EXOC4: variants seen among roughly 807,000 people sequenced by gnomAD.
EXOC4 encodes the protein exocyst complex component 4, also known as SEC8-like 1.
Under a neutral mutation model 107.2 loss-of-function variants are expected in EXOC4, and 71 were observed. The ratio of observed to expected loss-of-function variants is 0.66; its 90% CI spans 0.55 to 0.81. The LOEUF (loss-of-function observed/expected upper bound fraction) is 0.81. Ranked by LOEUF, EXOC4 falls within the 30% of genes least tolerant of loss-of-function variation. The pLI is 0.00. For missense variants in EXOC4, 1,108 were observed against 1,189.6 expected (o/e 0.93, Z 1.01); for synonymous variants, 456 against 441.2 (o/e 1.03, Z -0.42).
intron 10 of EXOC4, among the ~76,000 whole-genome samples, chr7:133,689,729 G>A (rs765758121): frequency 1.2e-4 from 19 of 152,306 alleles, no homozygotes; most frequent in Non-Finnish European, 2.5e-4. Context: ...AGGAGCCAAG[G>A]ACAGAACCCA....
chr7:133,305,609 T>G (rs1794734074), intron 3 of EXOC4, among the ~76,000 whole-genome samples: 1 of 152,192 alleles, frequency 6.6e-6, no homozygotes. Context: ...TTTTTACACG[T>G]GTCCATTGAC....
chr7:133,968,213 T>C (rs1233636546), intron 14 of EXOC4, among the ~76,000 whole-genome samples: 1 of 152,190 alleles, frequency 6.6e-6, no homozygotes, highest in Admixed American at 6.5e-5. Context: ...CCTCCATCCC[T>C]CTATTTTGAG....
At chr7:133,962,942 G>A (rs1203760281) in intron 14 of EXOC4, among the ~76,000 whole-genome samples, 2 of 152,206 alleles carry the variant, frequency 1.3e-5, no homozygotes, top group Non-Finnish European at 2.9e-5. Flanking sequence ...TGTTCCCCTG[G>A]CATCTCTCAT....
At chr7:133,383,597 G>C (rs1045238635) in intron 7 of EXOC4, among the ~76,000 whole-genome samples, 1 of 152,144 alleles carries the variant, frequency 6.6e-6, no homozygotes, top group African/African-American at 2.4e-5. Context: ...AAAATTATTA[G>C]TACTGATCCT....
intron 9 of EXOC4, among the ~76,000 whole-genome samples, chr7:133,528,727 A>G (rs1276090586): frequency 6.6e-6 from 1 of 151,484 alleles, no homozygotes; most frequent in East Asian, 1.9e-4. Flanking sequence ...TAAGTCAATT[A>G]AAAAAAAAGT....
At chr7:133,441,581 A>G (rs758893091) in intron 7 of EXOC4, among the ~76,000 whole-genome samples, 7 of 151,920 alleles carry the variant, frequency 4.6e-5, no homozygotes, top group African/African-American at 9.7e-5. Context: ...TTCTGTAGAG[A>G]TGTGGTTTCA....
rs1797615612 is a variant in EXOC4 at position 133,421,871 on chromosome 7, T to A, written c.1182+46869T>A. 1.3e-5 allele frequency among the ~76,000 whole-genome samples: 2 copies of A among 152,168 alleles called. 1 individual carries two copies. Among genetic ancestry groups the A allele is most frequent in the South Asian group, 4.1e-4 (2 of 4,822 alleles). ...CATTCATTGAATAGTCATTGAGCATTTTTTCAGGATACTTTAGAAATACCA... is the reference window on the plus strand; with the variant it reads ...CATTCATTGAATAGTCATTGAGCATATTTTCAGGATACTTTAGAAATACCA... On this transcript the variant is annotated intron_variant, in intron 7 of 17. Transcript: ENST00000253861.
intron 14 of EXOC4, among the ~76,000 whole-genome samples, chr7:133,940,958 A>G (rs888707538): frequency 6.6e-6 from 1 of 152,018 alleles, no homozygotes; most frequent in African/African-American, 2.4e-5. Context: ...TGTTTTATTA[A>G]GCTTAAGAAG....
chr7:133,785,893 T>C (rs1217017248), intron 10 of EXOC4, among the ~76,000 whole-genome samples: 1 of 152,092 alleles, frequency 6.6e-6, no homozygotes, highest in East Asian at 1.9e-4. Flanking sequence ...ATGGTCTTGA[T>C]CTCCTGACCT....
intron 10 of EXOC4, among the ~76,000 whole-genome samples, chr7:133,676,409 A>G (rs1794058626): frequency 6.6e-6 from 1 of 152,160 alleles, no homozygotes; most frequent in South Asian, 2.1e-4. Context: ...AGTAGTTCTA[A>G]TCACTTTATG....
intron 14 of EXOC4, among the ~76,000 whole-genome samples, chr7:133,973,292 G>A (rs1463930974): frequency 6.6e-6 from 1 of 152,166 alleles, no homozygotes; most frequent in African/African-American, 2.4e-5. Flanking sequence ...GGGAATGTAA[G>A]TATCAAGGAA....
chr7:133,543,487 C>G (rs192739801), intron 9 of EXOC4, among the ~76,000 whole-genome samples: 3 of 152,006 alleles, frequency 2.0e-5, no homozygotes, highest in Non-Finnish European at 2.9e-5. Flanking sequence ...TCCTGAGTTG[C>G]TGCCCCCTTG....
chr7:133,445,580 G>T (rs916727809), intron 7 of EXOC4, among the ~76,000 whole-genome samples: 1 of 151,828 alleles, frequency 6.6e-6, no homozygotes, highest in African/African-American at 2.4e-5. Context: ...AAAAAGCCCA[G>T]CAATTGTGCT....
At chr7:133,630,180 AT>A in intron 10 of EXOC4, 39 bp downstream of exon 10, 2 of 1,444,784 alleles carry the variant, frequency 1.4e-6, no homozygotes, top group African/African-American at 1.4e-5. Flanking sequence ...GAAGATCAAT[AT>A]TTTCATTATT....
At chr7:134,001,464 T>A (rs1191441276) in intron 15 of EXOC4, among the ~76,000 whole-genome samples, 1 of 83,964 alleles carries the variant, frequency 1.2e-5, no homozygotes, top group East Asian at 5.7e-4. Context: ...TGATGACTAT[T>A]TTAATTTCTT....
At chr7:133,835,864 T>C (rs1797908029) in intron 11 of EXOC4, among the ~76,000 whole-genome samples, 2 of 152,220 alleles carry the variant, frequency 1.3e-5, no homozygotes, top group African/African-American at 4.8e-5. Flanking sequence ...ACCAGCTTTA[T>C]CTAGGGAAAA....
intron 10 of EXOC4, among the ~76,000 whole-genome samples, chr7:133,721,704 G>A (rs1308755897): frequency 2.0e-5 from 3 of 152,148 alleles, no homozygotes; most frequent in African/African-American, 7.2e-5. Context: ...TTTGTTGGGA[G>A]ACAATGCTCC....
chr7:134,087,812 A>G, the EXOC4 span, among the ~76,000 whole-genome samples: 2 of 152,170 alleles, frequency 1.3e-5, no homozygotes, highest in African/African-American at 4.8e-5. Flanking sequence ...TTCTCTCTCC[A>G]GTTTCCCATT....
chr7:134,066,085 A>T (rs2116650107), downstream of EXOC4: 1 of 152,320 alleles, frequency 6.6e-6, no homozygotes, highest in African/African-American at 2.4e-5. Context: ...TCTGTAGGAG[A>T]CAACTGTGGA....
Sources: allele counts gnomAD v4.1 joint callset (sites outside exome capture counted in the v4.1 genomes callset), GRCh38; gene constraint gnomAD v4.1.1; transcripts MANE v1.5; gene names NCBI Gene and HGNC (gene_info 2026-07-23, HGNC 2026-07-21).